Variants in S100A13 observed in about 807,000 individuals in gnomAD.
S100A13 encodes protein S100-A13.
A neutral mutation model predicts 8.2 loss-of-function variants in S100A13; 6 were observed. That is an observed-to-expected ratio of 0.73 (90% CI 0.40 to 1.44). The LOEUF (loss-of-function observed/expected upper bound fraction) is 1.44. Among genes scored for constraint, S100A13 ranks in the 40% most tolerant of loss-of-function variants. The pLI is 0.02. For missense variants in S100A13, 114 were observed against 113.6 expected (o/e 1.00, Z -0.02); for synonymous variants, 39 against 45.9 (o/e 0.85, Z 0.61).
upstream of S100A13, among the ~76,000 whole-genome samples, chr1:153,633,393 T>C (rs1435842649): frequency 6.6e-6 from 1 of 151,914 alleles, no homozygotes; most frequent in African/African-American, 2.4e-5. Flanking sequence ...GAAATCCCTA[T>C]GTAGGTCTGC....
chr1:153,633,896 G>GC (rs1188757884), upstream of S100A13: 1 of 151,854 alleles, frequency 6.6e-6, no homozygotes, highest in Non-Finnish European at 1.5e-5. Context: ...CATTGGCCAC[G>GC]CCCCTAGGGG....
chr1:153,628,740 G>C (rs1667827350), upstream of S100A13: 1 of 643,958 alleles, frequency 1.6e-6, no homozygotes, highest in Admixed American at 3.2e-5. Context: ...AAGCCAGTGG[G>C]GAACCCACCA....
chr1:153,626,305 C>G lies in S100A13; in HGVS notation c.153+15G>C, dbSNP rs565398385. ...TCATCATCTCACAAAATCTCAGTCC[C>G]AGACTTCTGCCTACCTTGAGCAGAT... On this transcript the variant is annotated intron_variant, in intron 2 of 2. Transcript: ENST00000476133. The G allele has an allele frequency of 6.2e-7, 1 of 1,613,002 alleles. No homozygotes were observed. The highest frequency in any genetic ancestry group is 2.2e-5 in the East Asian group (1 of 44,870).
chr1:153,632,429 G>A (rs1668074571), upstream of S100A13, among the ~76,000 whole-genome samples: 2 of 151,596 alleles, frequency 1.3e-5, no homozygotes, highest in Non-Finnish European at 2.9e-5. Flanking sequence ...CTGCCACCAC[G>A]CCCGGCTAAT....
upstream of S100A13, among the ~76,000 whole-genome samples, chr1:153,632,817 GTCATTCTC>G (rs1412861755): frequency 2.0e-5 from 3 of 152,148 alleles, no homozygotes; most frequent in African/African-American, 4.8e-5. Flanking sequence ...TTGCAGATGT[GTCATTCTC>G]TCATTCCTCA....
chr1:153,626,608 C>T, intron 1 of S100A13, 75 bp from the exon 2 acceptor site: 1 of 824,004 alleles, frequency 1.2e-6, no homozygotes, highest in African/African-American at 1.7e-5. Context: ...AAGGTCCCTG[C>T]CTTGGTGTTA....
chr1:153,631,386 A>G, upstream of S100A13: 7 of 1,352,270 alleles, frequency 5.2e-6, no homozygotes, highest in Non-Finnish European at 7.1e-6. Context: ...AAATAATGAA[A>G]CATACCTCAC....
At chr1:153,630,812 C>T, upstream of S100A13, 1 of 1,045,380 alleles carries the variant, frequency 9.6e-7, no homozygotes, top group South Asian at 1.7e-5. Context: ...TTTCCAGGCT[C>T]CCCTACTCCT....
At chr1:153,626,562 A>G (rs917962517) in intron 1 of S100A13, 29 bp from the exon 2 acceptor site, 2 of 1,337,472 alleles carry the variant, frequency 1.5e-6, no homozygotes, top group Non-Finnish European at 2.1e-6. Flanking sequence ...GCAGAGAGGG[A>G]GAGTCAGGGA....
chr1:153,632,707 T>A (rs1288038326), upstream of S100A13, among the ~76,000 whole-genome samples: 1 of 152,014 alleles, frequency 6.6e-6, no homozygotes, highest in African/African-American at 2.4e-5. Flanking sequence ...GGGCCATTAC[T>A]TACACACAGA....
intron 1 of S100A13, 96 bp downstream of exon 1, chr1:153,627,387 G>C (rs1262099649): frequency 6.6e-6 from 1 of 152,400 alleles, no homozygotes. Flanking sequence ...GCTCCTTCCT[G>C]AATTCCTGTC....
rs1265178335 is a variant in S100A13, at chr1:153,618,844, G to A, written c.*51C>T. The A allele has an allele frequency of 2.5e-6, 4 of 1,583,754 alleles. No homozygotes were observed. The highest frequency in any genetic ancestry group is 1.4e-5 in the African/African-American group (1 of 74,020). On this transcript the variant is annotated 3_prime_UTR_variant, in exon 3 of 3. Transcript: ENST00000476133. ...CTTTATTTGGGAAGAGTGCGGTTCT[G>A]CTCGGCCCTGATCAGCTCTGCCCTG... is the stretch of plus-strand genomic sequence containing the variant.
At chr1:153,632,182 T>C (rs1668052711), upstream of S100A13, 1 of 212,496 alleles carries the variant, frequency 4.7e-6, no homozygotes, top group Non-Finnish European at 9.3e-6. Context: ...ATGCTCAAGG[T>C]CCAGAAATGT....
At chr1:153,631,484 C>G, upstream of S100A13, 1 of 1,604,142 alleles carries the variant, frequency 6.2e-7, no homozygotes, top group East Asian at 2.2e-5. Context: ...CATACGGTAA[C>G]TGGTGTCATT....
upstream of S100A13, chr1:153,629,267 C>T (rs915755353): frequency 6.6e-6 from 1 of 152,298 alleles, no homozygotes; most frequent in Admixed American, 6.5e-5. Context: ...CAGCACCCCT[C>T]CCTCAAGCAC....
intron 1 of S100A13, 110 bp from the exon 2 acceptor site, chr1:153,626,643 G>T (rs1005872830): frequency 8.5e-6 from 5 of 590,438 alleles, no homozygotes; most frequent in African/African-American, 1.8e-5. Context: ...GCCTGGAGGG[G>T]GCATATGGGG....
chr1:153,630,875 C>A, upstream of S100A13: 1 of 580,556 alleles, frequency 1.7e-6, no homozygotes, highest in Non-Finnish European at 3.0e-6. Flanking sequence ...AAGTGTTAGG[C>A]CCTGTGTAGA....
upstream of S100A13, chr1:153,632,032 A>C: frequency 1.6e-6 from 1 of 613,382 alleles, no homozygotes; most frequent in South Asian, 2.0e-5. Flanking sequence ...CTTCTCTCTC[A>C]CCAGCCATCC....
rs1423714839 is a variant in S100A13 at position 153,623,671 on chromosome 1, A to C, written c.153+2649T>G. On this transcript the variant is annotated intron_variant, in intron 2 of 2. Transcript: ENST00000476133. ...GAAAAGGGAGAACGTGGAAAGATGT[A>C]CTGAGCTTTGAGGAGAGAAGACAAA... 2.6e-5 allele frequency among the ~76,000 whole-genome samples: 4 copies of C among 152,324 alleles called. No individual in the cohort carries two copies. The South Asian group carries it at 8.3e-4, about 32-fold the overall frequency.
Sources: gnomAD v4.1 joint callset for allele counts (sites outside exome capture counted in the v4.1 genomes callset) on GRCh38, gnomAD v4.1.1 for gene constraint, MANE v1.5 for transcripts, NCBI Gene and HGNC (gene_info 2026-07-23, HGNC 2026-07-21) for gene names.